Variants in NEO1 observed in about 807,000 individuals in gnomAD.
NEO1 encodes neogenin 1, also known as neogenin.
In NEO1, 63 loss-of-function variants were observed where a neutral mutation model predicts 159.7. The ratio of observed to expected loss-of-function variants is 0.39; its 90% CI spans 0.32 to 0.49. The LOEUF (loss-of-function observed/expected upper bound fraction) is 0.49, where lower values mean the gene tolerates loss of function less well. NEO1 is among the 20% of genes least tolerant of loss of function. The pLI, the probability that NEO1 is intolerant of heterozygous loss-of-function variation, is 0.85. For synonymous variants in NEO1, 633 were observed against 662.0 expected (o/e 0.96, Z 0.67); for missense variants, 1,615 against 1,831.0 (o/e 0.88, Z 2.15).
chr15:73,087,200 T>G lies in NEO1; in HGVS notation c.131-29340T>G, dbSNP rs550833722. Among the ~76,000 whole-genome samples, 322 of 152,330 alleles carry G rather than the reference T, an allele frequency of 2.1e-3. 2 individuals are homozygous for G. Among genetic ancestry groups the G allele is most frequent in the African/African-American group, 7.4e-3 (307 of 41,582 alleles). ...CTGTTCCTAGTTTCTGAGAGTTTTTTAAAATCATGAATGGTAGTTGAATTT... is the reference window on the plus strand; with the variant it reads ...CTGTTCCTAGTTTCTGAGAGTTTTTGAAAATCATGAATGGTAGTTGAATTT... On this transcript the variant is annotated intron_variant, in intron 1 of 28. Transcript: ENST00000261908.
At chr15:73,109,225 A>T (rs374099674) in intron 1 of NEO1, among the ~76,000 whole-genome samples, 5 of 152,186 alleles carry the variant, frequency 3.3e-5, no homozygotes, top group Non-Finnish European at 5.9e-5. Context: ...GAGATATTAT[A>T]GGTTTTTGAA....
At chr15:73,199,052 A>G (rs1244802010) in intron 7 of NEO1, among the ~76,000 whole-genome samples, 3 of 147,328 alleles carry the variant, frequency 2.0e-5, no homozygotes, top group Non-Finnish European at 3.0e-5. Context: ...CCATTATTAC[A>G]TTTAGTCATT....
chr15:73,145,163 A>C (rs966913310), intron 5 of NEO1, among the ~76,000 whole-genome samples: 22 of 152,250 alleles, frequency 1.4e-4, no homozygotes, highest in African/African-American at 5.3e-4. Context: ...TGGAAAACAT[A>C]GTTTGCTTAC....
chr15:73,169,360 C>G (rs1006015374), intron 5 of NEO1, among the ~76,000 whole-genome samples: 7 of 152,126 alleles, frequency 4.6e-5, no homozygotes, highest in Admixed American at 4.6e-4. Context: ...AATGCATAAT[C>G]TTCCATTACA....
chr15:73,171,201 A>G (rs1308540527), intron 5 of NEO1, among the ~76,000 whole-genome samples: 1 of 152,164 alleles, frequency 6.6e-6, no homozygotes, highest in African/African-American at 2.4e-5. Flanking sequence ...GGAAAAAAAA[A>G]CCTAAGAAAC....
chr15:73,267,239 CAG>C (rs1204018417), intron 16 of NEO1, among the ~76,000 whole-genome samples: 1 of 152,084 alleles, frequency 6.6e-6, no homozygotes, highest in Non-Finnish European at 1.5e-5. Context: ...GGCTAGGCGA[CAG>C]AGAGAGATTG....
At chr15:73,064,666 T>C (rs1404224937) in intron 1 of NEO1, among the ~76,000 whole-genome samples, 2 of 151,980 alleles carry the variant, frequency 1.3e-5, no homozygotes, top group Non-Finnish European at 2.9e-5. Flanking sequence ...AAGATCTTAC[T>C]ATATTGTCCA....
chr15:73,111,646 G>C (rs1012722536), intron 1 of NEO1, among the ~76,000 whole-genome samples: 1 of 151,938 alleles, frequency 6.6e-6, no homozygotes, highest in African/African-American at 2.4e-5. Flanking sequence ...ATCCAGACTA[G>C]GTCTCCCTCA....
rs2068893603 is a variant in NEO1 at position 73,078,652 on chromosome 15, G to A, written c.130+25847G>A. Among the ~76,000 whole-genome samples, 6 of 152,176 alleles carry A rather than the reference G, an allele frequency of 3.9e-5. No individual in the cohort carries two copies. In the South Asian group the frequency reaches 1.2e-3, roughly 32 times the overall value. ...CGTTGGTTGCACAGATACAGTAGAT[G>A]CTCTATGTTTCTATTGAGTTAAGAT... On this transcript the variant is annotated intron_variant, in intron 1 of 28. Coordinates refer to ENST00000261908, the MANE Select transcript of NEO1 (RefSeq NM_002499.4).
intron 15 of NEO1, among the ~76,000 whole-genome samples, chr15:73,265,954 GGTTT>G (rs2040868744): frequency 1.3e-5 from 2 of 152,270 alleles, no homozygotes; most frequent in Non-Finnish European, 2.9e-5. Context: ...GAATGAAAGG[GGTTT>G]GTTTAATTCC....
chr15:73,253,591 AC>A (rs1173719605), intron 12 of NEO1, 142 bp downstream of exon 12: 1 of 514,452 alleles, frequency 1.9e-6, no homozygotes, highest in East Asian at 3.0e-5. Context: ...AAAATACCAA[AC>A]CTATAAATTA....
chr15:73,270,484 G>T (rs1273140706), intron 18 of NEO1, 30 bp downstream of exon 18: 10 of 1,575,876 alleles, frequency 6.3e-6, no homozygotes, highest in Non-Finnish European at 8.6e-6. Flanking sequence ...ATGTCACATG[G>T]CTGCTTTTAC....
intron 16 of NEO1, 131 bp downstream of exon 16, chr15:73,266,542 G>T (rs1022066818): frequency 1.3e-5 from 7 of 551,036 alleles, no homozygotes; most frequent in South Asian, 9.4e-5. Flanking sequence ...GACTTCAAAT[G>T]GGAAAGTGGG....
At chr15:73,073,598 A>G (rs1159257960) in intron 1 of NEO1, among the ~76,000 whole-genome samples, 1 of 152,194 alleles carries the variant, frequency 6.6e-6, no homozygotes, top group East Asian at 1.9e-4. Flanking sequence ...GAGCACAAGT[A>G]GAAAGATTTG....
chr15:73,063,627 T>A (rs1323642240), intron 1 of NEO1, among the ~76,000 whole-genome samples: 3 of 33,412 alleles, frequency 9.0e-5, no homozygotes, highest in Non-Finnish European at 2.4e-4. Context: ...GCAGCCTTTT[T>A]TGTTTGTTTG....
chr15:73,052,674 A>T lies in NEO1; in HGVS notation c.-2A>T. ...CCGCTGCCGCTCACTCTCGGGGAAGAGATGGCGGCGGAGCGGGGAGCCCGG... is the reference window on the plus strand; with the variant it reads ...CCGCTGCCGCTCACTCTCGGGGAAGTGATGGCGGCGGAGCGGGGAGCCCGG... On this transcript the variant is annotated 5_prime_UTR_variant, in exon 1 of 29. Coordinates refer to ENST00000261908, the MANE Select transcript of NEO1 (RefSeq NM_002499.4). 7.5e-7 allele frequency: 1 copy of T among 1,338,840 alleles called. No homozygotes were observed. The allele number at this position is 1,338,840 out of a possible 1,614,324, so 82.9% of individuals were successfully genotyped here.
At chr15:73,110,259 G>A (rs138081843) in intron 1 of NEO1, among the ~76,000 whole-genome samples, 7 of 152,232 alleles carry the variant, frequency 4.6e-5, no homozygotes, top group African/African-American at 1.4e-4. Context: ...TTTGACAGTA[G>A]TGTCTTAGCT....
At chr15:73,248,648 C>T (rs1183283850) in intron 9 of NEO1, among the ~76,000 whole-genome samples, 1 of 152,166 alleles carries the variant, frequency 6.6e-6, no homozygotes, top group Non-Finnish European at 1.5e-5. Context: ...AATCTGTTAG[C>T]ACTTACGACA....
intron 27 of NEO1, 107 bp from the exon 28 acceptor site, chr15:73,301,214 G>T: frequency 7.0e-7 from 1 of 1,427,476 alleles, no homozygotes; most frequent in Non-Finnish European, 9.6e-7. Flanking sequence ...CCTGCACTGG[G>T]TCTGTATGTC....
Sources: allele counts gnomAD v4.1 joint callset (sites outside exome capture counted in the v4.1 genomes callset), GRCh38; gene constraint gnomAD v4.1.1; transcripts MANE v1.5; gene names NCBI Gene and HGNC (gene_info 2026-07-23, HGNC 2026-07-21).